The following PDE1A variants were observed in gnomAD, a reference collection of about 807,000 sequenced individuals.
The protein encoded by PDE1A is phosphodiesterase 1A.
Under a neutral mutation model 61.7 loss-of-function variants are expected in PDE1A, and 35 were observed. The ratio of observed to expected loss-of-function variants is 0.57; its 90% CI spans 0.43 to 0.75. The LOEUF (loss-of-function observed/expected upper bound fraction) is 0.75. Ranked by LOEUF, PDE1A falls within the 30% of genes least tolerant of loss-of-function variation. PDE1A has a pLI of 0.00. For synonymous variants in PDE1A, 232 were observed against 213.2 expected (o/e 1.09, Z -0.77); for missense variants, 597 against 630.6 (o/e 0.95, Z 0.57).
intron 2 of PDE1A, among the ~76,000 whole-genome samples, chr2:182,493,116 G>A (rs1688494524): frequency 6.6e-6 from 1 of 151,922 alleles, no homozygotes; most frequent in Non-Finnish European, 1.5e-5. Context: ...AACACTACCA[G>A]AAACTTACAA....
rs567707864 is a variant in PDE1A, at chr2:182,403,236, C to T, written c.53+23342G>A. On this transcript the variant is annotated intron_variant, in intron 1 of 13. Transcript: ENST00000351439. ...GACACATGCACACATATATTTATTG[C>T]GGCACTGTTTACAATCACAAAGACT... Among the ~76,000 whole-genome samples the T allele has an allele frequency of 1.4e-4, 22 of 152,226 alleles. No homozygotes were observed. In the East Asian group the frequency reaches 1.7e-3, roughly 12 times the overall value.
chr2:182,158,714 G>A (rs1691225701), intron 13 of PDE1A, among the ~76,000 whole-genome samples: 1 of 152,108 alleles, frequency 6.6e-6, no homozygotes, highest in Admixed American at 6.5e-5. Context: ...CTAAAGAATG[G>A]GCCTTGGTTA....
In PDE1A at chr2:182,423,947, CT is replaced by C. The variant is rs562590310; in HGVS notation, c.53+2630del. Among the ~76,000 whole-genome samples the C allele has an allele frequency of 9.8e-3, 1,320 of 134,220 alleles. 6 individuals carry two copies. The highest frequency in any genetic ancestry group is 0.036 in the Middle Eastern group (9 of 248). 88.1% of individuals were successfully genotyped at this position (134,220 alleles called of 152,430 possible). A position where few individuals can be genotyped will look rare whatever the true frequency, so the allele number is the denominator to read the frequency against. On this transcript the variant is annotated intron_variant, in intron 1 of 13. Transcript: ENST00000351439. ...TCAAAAAAAAAAATCCTGGATTAAC[CT>C]TTTTTTTTTTTTTTTTGATGGGGTC... is the stretch of plus-strand genomic sequence containing the variant.
Position 182,205,852 on chromosome 2 carries a change from C to T in PDE1A, c.902+88G>A, listed in dbSNP as rs898862529. On this transcript the variant is annotated intron_variant, in intron 8 of 13. Transcript: ENST00000351439. ...TAAGTTTGTAATTTGGGGAATGCATCGACTTTCATCTTTTTTCTTGACTTT... is the reference window on the plus strand; with the variant it reads ...TAAGTTTGTAATTTGGGGAATGCATTGACTTTCATCTTTTTTCTTGACTTT... The T allele has an allele frequency of 4.7e-5, 56 of 1,196,266 alleles. 1 individual carries two copies. The highest frequency in any genetic ancestry group is 2.6e-4 in the African/African-American group (17 of 66,256). 74.1% of individuals were successfully genotyped at this position (1,196,266 alleles called of 1,614,324 possible). A position where few individuals can be genotyped will look rare whatever the true frequency, so the allele number is the denominator to read the frequency against.
At chr2:182,156,882 T>C (rs570650009) in intron 13 of PDE1A, among the ~76,000 whole-genome samples, 1 of 152,070 alleles carries the variant, frequency 6.6e-6, no homozygotes, top group Admixed American at 6.6e-5. Flanking sequence ...TAAAATCCAG[T>C]ATAAATATAT....
At chr2:182,175,858 T>G (rs1574567967) in intron 13 of PDE1A, among the ~76,000 whole-genome samples, 5 of 134,082 alleles carry the variant, frequency 3.7e-5, no homozygotes, top group African/African-American at 9.1e-5. Context: ...AATTGATTTT[T>G]GTATAAGGTG....
chr2:182,345,262 C>T (rs1698450413), intron 1 of PDE1A, among the ~76,000 whole-genome samples: 1 of 152,198 alleles, frequency 6.6e-6, no homozygotes, highest in South Asian at 2.1e-4. Flanking sequence ...TTTCTGATGT[C>T]CCCATCTTGG....
At chr2:182,268,163 C>G (rs1273385851) in intron 1 of PDE1A, among the ~76,000 whole-genome samples, 1 of 151,944 alleles carries the variant, frequency 6.6e-6, no homozygotes, top group Non-Finnish European at 1.5e-5. Context: ...AGGGCATGTT[C>G]TTGATGTTCT....
the PDE1A span, among the ~76,000 whole-genome samples, chr2:182,537,322 A>C: frequency 6.6e-6 from 1 of 152,232 alleles, no homozygotes; most frequent in Admixed American, 6.5e-5. Context: ...GTAGTCATAA[A>C]AAAGAATGAG....
upstream of PDE1A, among the ~76,000 whole-genome samples, chr2:182,525,833 T>C (rs779465589): frequency 2.0e-5 from 3 of 152,058 alleles, no homozygotes; most frequent in Non-Finnish European, 4.4e-5. Flanking sequence ...CAAAGATAAA[T>C]GATGACACAT....
At chr2:182,339,119 T>A (rs1698020783) in intron 1 of PDE1A, among the ~76,000 whole-genome samples, 11 of 152,226 alleles carry the variant, frequency 7.2e-5, no homozygotes, top group Admixed American at 7.2e-4. Flanking sequence ...TCCTCTTCTT[T>A]GTACCACTGC....
At chr2:182,662,604 G>A in the PDE1A span, among the ~76,000 whole-genome samples, 3 of 151,966 alleles carry the variant, frequency 2.0e-5, no homozygotes, top group Admixed American at 2.0e-4. Context: ...CTCCCTATTC[G>A]ATAATTGGTG....
the PDE1A span, among the ~76,000 whole-genome samples, chr2:182,650,929 AG>A: frequency 6.6e-6 from 1 of 152,218 alleles, no homozygotes; most frequent in Non-Finnish European, 1.5e-5. Flanking sequence ...ACATTTAAAA[AG>A]GCTTCTTGAA....
chr2:182,524,890 C>T (rs749802892), upstream of PDE1A, among the ~76,000 whole-genome samples: 1 of 151,774 alleles, frequency 6.6e-6, no homozygotes, highest in Non-Finnish European at 1.5e-5. Flanking sequence ...TCTATTAGAA[C>T]AAGTAGTTCC....
chr2:182,551,330 T>A, the PDE1A span, among the ~76,000 whole-genome samples: 1 of 152,054 alleles, frequency 6.6e-6, no homozygotes, highest in Non-Finnish European at 1.5e-5. Context: ...TTGCCAATAA[T>A]GGGATAATGT....
chr2:182,370,265 C>A (rs1222123646), intron 1 of PDE1A, among the ~76,000 whole-genome samples: 1 of 152,096 alleles, frequency 6.6e-6, no homozygotes, highest in Non-Finnish European at 1.5e-5. Flanking sequence ...GAAAGGATGG[C>A]TGATTAATTA....
chr2:182,609,964 T>C, the PDE1A span, among the ~76,000 whole-genome samples: 38 of 152,234 alleles, frequency 2.5e-4, no homozygotes, highest in Non-Finnish European at 5.0e-4. Context: ...GGCACAGGCC[T>C]GTATTCCCAG....
intron 1 of PDE1A, among the ~76,000 whole-genome samples, chr2:182,422,125 G>A (rs1703317921): frequency 6.6e-6 from 1 of 152,132 alleles, no homozygotes. Flanking sequence ...TTCGATCCTG[G>A]ATGTACAGAC....
intron 1 of PDE1A, among the ~76,000 whole-genome samples, chr2:182,393,875 C>T (rs1403663230): frequency 6.6e-6 from 1 of 152,230 alleles, no homozygotes; most frequent in Admixed American, 6.5e-5. Flanking sequence ...TCAGCCTGGA[C>T]TTCATTGTCC....
Sources: gnomAD v4.1 joint callset for allele counts (sites outside exome capture counted in the v4.1 genomes callset) on GRCh38, gnomAD v4.1.1 for gene constraint, MANE v1.5 for transcripts, NCBI Gene and HGNC (gene_info 2026-07-23, HGNC 2026-07-21) for gene names.